Variants in HIVEP2 observed in about 807,000 individuals in gnomAD.
The protein encoded by HIVEP2 is HIVEP zinc finger 2.
Under a neutral mutation model 180.7 loss-of-function variants are expected in HIVEP2, and 14 were observed. That is an observed-to-expected ratio of 0.08 (90% CI 0.05 to 0.12). HIVEP2 has a LOEUF of 0.12. Among genes scored for constraint, HIVEP2 ranks in the 10% least tolerant of loss-of-function variants. HIVEP2 has a pLI of 1.00. For missense variants in HIVEP2, 2,579 were observed against 3,008.5 expected (o/e 0.86, Z 3.34); for synonymous variants, 1,184 against 1,136.4 (o/e 1.04, Z -0.84).
chr6:142,882,068 G>A (rs1776585506), intron 1 of HIVEP2, among the ~76,000 whole-genome samples: 3 of 152,148 alleles, frequency 2.0e-5, no homozygotes, highest in Admixed American at 2.0e-4. Flanking sequence ...TCATATATAC[G>A]AGGTCAGAGC....
chr6:142,861,949 C>G (rs1257694521), intron 1 of HIVEP2, among the ~76,000 whole-genome samples: 1 of 152,090 alleles, frequency 6.6e-6, no homozygotes, highest in East Asian at 1.9e-4. Flanking sequence ...AGCTTGAGGG[C>G]TACTGATTGC....
intron 1 of HIVEP2, among the ~76,000 whole-genome samples, chr6:142,837,793 C>G (rs1775260546): frequency 1.3e-5 from 2 of 151,832 alleles, no homozygotes; most frequent in Non-Finnish European, 2.9e-5. Flanking sequence ...GAGAGAGAGC[C>G]TAAAATGAAT....
intron 2 of HIVEP2, among the ~76,000 whole-genome samples, chr6:142,801,658 C>T (rs569337831): frequency 6.6e-6 from 1 of 152,066 alleles, no homozygotes; most frequent in South Asian, 2.1e-4. Flanking sequence ...GGTTTCCCAT[C>T]TATAAAATGG....
At chr6:142,833,560 G>A (rs1213013081) in intron 2 of HIVEP2, among the ~76,000 whole-genome samples, 2 of 152,162 alleles carry the variant, frequency 1.3e-5, no homozygotes, top group Non-Finnish European at 2.9e-5. Context: ...CATACTACTG[G>A]TTTAGTTAAT....
At chr6:142,918,758 C>G (rs1777621888) in intron 1 of HIVEP2, among the ~76,000 whole-genome samples, 1 of 152,080 alleles carries the variant, frequency 6.6e-6, no homozygotes, top group African/African-American at 2.4e-5. Flanking sequence ...AAGAAAAGAG[C>G]CTTAAGTTAT....
At position 142,773,206 on chromosome 6, in the gene HIVEP2, A is replaced by G; in HGVS notation, c.1533T>C (p.Ser511=). The G allele has an allele frequency of 6.2e-7, 1 of 1,614,246 alleles. No homozygotes were observed. Among genetic ancestry groups the G allele is most frequent in the Non-Finnish European group, 8.5e-7 (1 of 1,180,040 alleles). The change falls in exon 5 of 10, where the codon TCT becomes TCC. Residue 511 remains serine (S), a synonymous_variant. Coordinates refer to ENST00000367603, the MANE Select transcript of HIVEP2 (RefSeq NM_006734.4). ...GATAAAGTTTTCCTTCGTTCCTGAT[A>G]GATGATGGAATAATCTGGGGTTGTC... ...ESRQPQIIPS[S]IRNEGKLYPA...
intron 2 of HIVEP2, chr6:142,788,500 GT>G (rs1776061136): frequency 6.6e-6 from 1 of 152,210 alleles, no homozygotes; most frequent in African/African-American, 2.4e-5. Context: ...CTCACTTGAG[GT>G]CACGACTTCA....
At chr6:142,857,279 T>C (rs1257737932) in intron 1 of HIVEP2, among the ~76,000 whole-genome samples, 1 of 150,764 alleles carries the variant, frequency 6.6e-6, no homozygotes, top group African/African-American at 2.4e-5. Context: ...AAAATCCAAA[T>C]AAAAAGAGAA....
chr6:142,925,935 T>G lies in HIVEP2; in HGVS notation c.-641+19164A>C, dbSNP rs543481487. On this transcript the variant is annotated intron_variant, in intron 1 of 9. Transcript: ENST00000367603. ...TTTGGCTGTGTGTCCAAAAGAACAA[T>G]CTACCATTACAAAGCCTATTCATGA... Among the ~76,000 whole-genome samples, 13 of 152,318 alleles carry G rather than the reference T, an allele frequency of 8.5e-5. No homozygotes were observed. The South Asian group carries it at 2.7e-3, about 32-fold the overall frequency.
chr6:142,899,474 T>G (rs886687849), intron 1 of HIVEP2, among the ~76,000 whole-genome samples: 2 of 152,238 alleles, frequency 1.3e-5, no homozygotes, highest in African/African-American at 4.8e-5. Flanking sequence ...TGGGGACACA[T>G]GCCTGCTCTT....
At chr6:142,874,679 C>T (rs1437082695) in intron 1 of HIVEP2, among the ~76,000 whole-genome samples, 1 of 151,980 alleles carries the variant, frequency 6.6e-6, no homozygotes, top group South Asian at 2.1e-4. Context: ...ACAAATGCAG[C>T]CAGCAAGGAC....
At chr6:142,818,478 A>C (rs1776903300) in intron 2 of HIVEP2, among the ~76,000 whole-genome samples, 1 of 151,852 alleles carries the variant, frequency 6.6e-6, no homozygotes, top group Non-Finnish European at 1.5e-5. Flanking sequence ...GGAGTTCAAG[A>C]CTAGCCTGGG....
intron 2 of HIVEP2, among the ~76,000 whole-genome samples, chr6:142,786,201 T>C (rs1043302103): frequency 1.1e-4 from 17 of 152,210 alleles, no homozygotes; most frequent in Admixed American, 2.6e-4. Flanking sequence ...ATGCTCTTAT[T>C]CTCAAGAAAT....
intron 1 of HIVEP2, among the ~76,000 whole-genome samples, chr6:142,899,671 C>A (rs942211215): frequency 1.3e-5 from 2 of 152,300 alleles, no homozygotes; most frequent in African/African-American, 4.8e-5. Flanking sequence ...GTAAACTCTA[C>A]GAGAGTGCAG....
chr6:142,879,874 C>T (rs1403485211), intron 1 of HIVEP2, among the ~76,000 whole-genome samples: 2 of 152,088 alleles, frequency 1.3e-5, no homozygotes, highest in African/African-American at 4.8e-5. Flanking sequence ...AAAAGTCACT[C>T]AATAGTGCCA....
At chr6:142,791,172 C>G (rs1776128504) in intron 2 of HIVEP2, among the ~76,000 whole-genome samples, 1 of 152,056 alleles carries the variant, frequency 6.6e-6, no homozygotes, top group Non-Finnish European at 1.5e-5. Flanking sequence ...TCACACTGTC[C>G]CAGGTTCTAT....
rs564069997 is a variant in HIVEP2, at chr6:142,819,007, G to A, written c.-528+17928C>T. 7.0e-5 allele frequency among the ~76,000 whole-genome samples: 10 copies of A among 142,040 alleles called. No individual in the cohort carries two copies. The South Asian group carries it at 2.5e-3, about 35-fold the overall frequency. The allele number at this position is 142,040 out of a possible 152,430, so 93.2% of individuals were successfully genotyped here. ...CAGAAGAAAGGAAAGGAGGGAGGGA[G>A]GGAGGGAAAGAAGGGAGGCAGGGAA... is the stretch of plus-strand genomic sequence containing the variant. On this transcript the variant is annotated intron_variant, in intron 2 of 9. Transcript: ENST00000367603.
chr6:142,759,407 C>A (rs1313820675), intron 9 of HIVEP2, among the ~76,000 whole-genome samples: 1 of 152,122 alleles, frequency 6.6e-6, no homozygotes, highest in Non-Finnish European at 1.5e-5. Context: ...ATAAGTGATG[C>A]CTAAATGTCC....
intron 1 of HIVEP2, among the ~76,000 whole-genome samples, chr6:142,937,955 A>G (rs1464174652): frequency 6.6e-6 from 1 of 152,206 alleles, no homozygotes; most frequent in East Asian, 1.9e-4. Context: ...CGGATTTGCT[A>G]AATTGGCACT....
Sources: allele counts gnomAD v4.1 joint callset (sites outside exome capture counted in the v4.1 genomes callset), GRCh38; gene constraint gnomAD v4.1.1; transcripts MANE v1.5; gene names NCBI Gene and HGNC (gene_info 2026-07-23, HGNC 2026-07-21).